MUC13: variants seen among roughly 807,000 people sequenced by gnomAD.
MUC13 encodes mucin 13, cell surface associated.
In MUC13, 32 loss-of-function variants were observed where a neutral mutation model predicts 48.3. The ratio of observed to expected loss-of-function variants is 0.66; its 90% CI spans 0.50 to 0.89. MUC13 has a LOEUF of 0.89. MUC13 is among the 40% of genes least tolerant of loss of function. The pLI, the probability that MUC13 is intolerant of heterozygous loss-of-function variation, is 0.00. For missense variants in MUC13, 571 were observed against 622.8 expected, an observed-to-expected ratio of 0.92 and a Z score of 0.88; for synonymous variants, 199 against 224.9, an observed-to-expected ratio of 0.88 and a Z score of 1.03.
intron 5 of MUC13, among the ~76,000 whole-genome samples, chr3:124,917,848 A>G (rs922482193): frequency 2.0e-5 from 3 of 152,164 alleles, no homozygotes; most frequent in Non-Finnish European, 2.9e-5. Context: ...TGGTTGAAAT[A>G]TATGGCATAG....
intron 11 of MUC13, among the ~76,000 whole-genome samples, chr3:124,907,381 C>T (rs894003531): frequency 4.6e-5 from 7 of 152,086 alleles, no homozygotes; most frequent in South Asian, 2.1e-4. Context: ...TTTGGAAGGA[C>T]GAGGCGAGAG....
intron 11 of MUC13, among the ~76,000 whole-genome samples, chr3:124,907,946 T>A (rs914951055): frequency 6.6e-6 from 1 of 152,196 alleles, no homozygotes; most frequent in Admixed American, 6.5e-5. Flanking sequence ...AATTAAGTGA[T>A]GTGTCTGTAG....
chr3:124,906,044 C>T lies in MUC13; in HGVS notation c.*699G>A, dbSNP rs1935311322. The T allele has an allele frequency of 6.6e-6, 1 of 152,600 alleles. No homozygotes were observed. The highest frequency in any genetic ancestry group is 2.4e-5 in the African/African-American group (1 of 41,432). 9.5% of individuals were successfully genotyped at this position (152,600 alleles called of 1,614,324 possible). ...ATTTCAAAAACTGTAGAGTGCACCCCATAGTGGACATTTTTAGTCCAGGCC... is the reference window on the plus strand; with the variant it reads ...ATTTCAAAAACTGTAGAGTGCACCCTATAGTGGACATTTTTAGTCCAGGCC... On this transcript the variant is annotated 3_prime_UTR_variant, in exon 12 of 12. Transcript: ENST00000616727.
chr3:124,913,612 T>A lies in MUC13; in HGVS notation c.1034A>T (p.Asp345Val). The A allele has an allele frequency of 1.2e-6, 2 of 1,614,178 alleles. No homozygotes were observed. Among genetic ancestry groups the A allele is most frequent in the Non-Finnish European group, 1.7e-6 (2 of 1,180,024 alleles). The part of the protein sequence containing the change: ...ADDCLNGLAC[D>V]CKSDLQRPNP... Reference sequence around the variant, plus strand: ...AGGCCTTTGCAGGTCAGATTTGCAATCGCATGCTAAACCATTGAGGCAGTC... The same window carrying A: ...AGGCCTTTGCAGGTCAGATTTGCAAACGCATGCTAAACCATTGAGGCAGTC... Residue 345 changes from aspartate to valine, a missense_variant, in exon 7 of 12, where the codon GAT becomes GTT. Asp to Val is a radical substitution (Grantham distance 152, BLOSUM62 -3). Coordinates refer to ENST00000616727, the MANE Select transcript of MUC13 (RefSeq NM_033049.4).
At chr3:124,924,058 T>A (rs1935649193) in intron 2 of MUC13, among the ~76,000 whole-genome samples, 1 of 152,132 alleles carries the variant, frequency 6.6e-6, no homozygotes, top group South Asian at 2.1e-4. Context: ...TAGAAAGGTA[T>A]GAATAATTGT....
chr3:124,927,443 T>A (rs1935706705), intron 2 of MUC13, 89 bp downstream of exon 2: 2 of 1,310,092 alleles, frequency 1.5e-6, no homozygotes, highest in African/African-American at 2.9e-5. Context: ...TTTAGACCCA[T>A]TTTCCTACCC....
At chr3:124,934,037 T>C (rs573456063) in intron 1 of MUC13, among the ~76,000 whole-genome samples, 62 of 152,336 alleles carry the variant, frequency 4.1e-4, no homozygotes, top group Non-Finnish European at 5.6e-4. Context: ...CTGATTATCA[T>C]GAGAGGGGAT....
intron 6 of MUC13, among the ~76,000 whole-genome samples, chr3:124,915,138 CA>C (rs757596210): frequency 1.4e-4 from 22 of 152,302 alleles, no homozygotes; most frequent in Admixed American, 5.9e-4. Context: ...CTGGATTTGG[CA>C]ACCAGGACTG....
chr3:124,907,053 C>T (rs1381273908), intron 11 of MUC13, among the ~76,000 whole-genome samples: 1 of 152,182 alleles, frequency 6.6e-6, no homozygotes, highest in Non-Finnish European at 1.5e-5. Flanking sequence ...GCAGTGACAG[C>T]TATGATTATC....
intron 5 of MUC13, among the ~76,000 whole-genome samples, chr3:124,917,464 A>T (rs994677163): frequency 6.6e-6 from 1 of 151,550 alleles, no homozygotes; most frequent in Non-Finnish European, 1.5e-5. Flanking sequence ...CTGCCGCCTC[A>T]GTCTCCCAAG....
At position 124,913,331 on chromosome 3, in the gene MUC13, T is replaced by C. The variant is rs1470231586; in HGVS notation, c.1085-91A>G. On this transcript the variant is annotated intron_variant, in intron 7 of 11. Transcript: ENST00000616727. ...GACAACATGACAGTGTCTTTCACAT[T>C]GCTTTTTCTAGGTAAAATGAGATGC... 2.0e-6 allele frequency: 3 copies of C among 1,533,740 alleles called. No homozygotes were observed. In the Admixed American group the frequency reaches 5.9e-5, roughly 30 times the overall value.
chr3:124,921,346 T>C (rs1321863224), intron 4 of MUC13, among the ~76,000 whole-genome samples: 1 of 152,108 alleles, frequency 6.6e-6, no homozygotes, highest in Non-Finnish European at 1.5e-5. Context: ...AGATGGGGTG[T>C]CACCATGTTG....
At chr3:124,919,758 G>C (rs1245297210) in intron 5 of MUC13, among the ~76,000 whole-genome samples, 2 of 152,100 alleles carry the variant, frequency 1.3e-5, no homozygotes, top group Non-Finnish European at 2.9e-5. Context: ...ATAAGTGCTT[G>C]TTCTCACTGC....
At chr3:124,928,061 C>T (rs1419959739) in intron 1 of MUC13, 68 bp from the exon 2 acceptor site, 31 of 986,858 alleles carry the variant, frequency 3.1e-5, no homozygotes, top group Non-Finnish European at 4.3e-5. Flanking sequence ...TTACTTAATA[C>T]TAAATCATAT....
In MUC13 at chr3:124,913,620, T is replaced by G; in HGVS notation, c.1026A>C (p.Leu342Phe). 6.2e-7 allele frequency: 1 copy of G among 1,614,226 alleles called. No homozygotes were observed. The highest frequency in any genetic ancestry group is 1.1e-5 in the South Asian group (1 of 91,088). ...NQTADDCLNG[L>F]ACDCKSDLQR... The stretch of plus-strand genomic sequence containing the variant: ...GCAGGTCAGATTTGCAATCGCATGC[T>G]AAACCATTGAGGCAGTCATCCGCAG... Residue 342 changes from leucine to phenylalanine, a missense_variant, in exon 7 of 12, where the codon TTA (leucine) becomes TTC (phenylalanine). By Grantham distance (22) the Leu-to-Phe change is conservative (BLOSUM62 0). Transcript: ENST00000616727.
intron 6 of MUC13, among the ~76,000 whole-genome samples, chr3:124,915,777 C>T (rs549358281): frequency 1.3e-5 from 2 of 152,304 alleles, no homozygotes; most frequent in East Asian, 1.9e-4. Context: ...CCTCAACCTC[C>T]TGGGCTTATG....
chr3:124,912,426 C>T (rs1045441261), intron 8 of MUC13, among the ~76,000 whole-genome samples: 1 of 152,192 alleles, frequency 6.6e-6, no homozygotes, highest in African/African-American at 2.4e-5. Flanking sequence ...GCAGTTCAGG[C>T]AAAGCTGAAC....
At chr3:124,915,315 T>A (rs987991287) in intron 6 of MUC13, among the ~76,000 whole-genome samples, 7 of 152,222 alleles carry the variant, frequency 4.6e-5, no homozygotes, top group Non-Finnish European at 1.0e-4. Context: ...TGCTTGGTAA[T>A]GCGAATTGCT....
intron 4 of MUC13, 107 bp downstream of exon 4, chr3:124,922,090 T>C (rs1935605636): frequency 1.1e-5 from 14 of 1,306,868 alleles, no homozygotes; most frequent in Non-Finnish European, 1.5e-5. Flanking sequence ...TTTGAACAAC[T>C]GGTACGATGG....
Sources: gnomAD v4.1 joint callset for allele counts (sites outside exome capture counted in the v4.1 genomes callset) on GRCh38, gnomAD v4.1.1 for gene constraint, MANE v1.5 for transcripts, NCBI Gene and HGNC (gene_info 2026-07-23, HGNC 2026-07-21) for gene names.